CACNG4: variants seen among roughly 807,000 people sequenced by gnomAD.
The protein encoded by CACNG4 is voltage-dependent calcium channel gamma-4 subunit.
Under a neutral mutation model 22.9 loss-of-function variants are expected in CACNG4, and 8 were observed. That is an observed-to-expected ratio of 0.35 (90% CI 0.21 to 0.63). The LOEUF (loss-of-function observed/expected upper bound fraction) is 0.63. CACNG4 is among the 30% of genes least tolerant of loss of function. The pLI, the probability that CACNG4 is intolerant of heterozygous loss-of-function variation, is 0.72. For synonymous variants in CACNG4, 188 were observed against 191.9 expected, an observed-to-expected ratio of 0.98 and a Z score of 0.17; for missense variants, 357 against 455.4, an observed-to-expected ratio of 0.78 and a Z score of 1.97.
Position 67,031,503 on chromosome 17 carries a change from A to T in CACNG4, c.*499A>T, listed in dbSNP as rs1330971647. On this transcript the variant is annotated 3_prime_UTR_variant, in exon 4 of 4. Transcript: ENST00000262138. This position sits in a 1 kb window ranked among gnomAD's most constrained non-coding sequence, Gnocchi z 4.0. The stretch of plus-strand genomic sequence containing the variant: ...TTCCTGCGTCGTTGAGCCAGAAATC[A>T]GACCACCGAAGCTCACTCCCTTCCT... 6.6e-6 allele frequency: 3 copies of T among 457,370 alleles called. No individual in the cohort carries two copies. The highest frequency in any genetic ancestry group is 1.3e-5 in the Non-Finnish European group (3 of 227,240). The allele number at this position is 457,370 out of a possible 1,614,324, so 28.3% of individuals were successfully genotyped here. A position where few individuals can be genotyped will look rare whatever the true frequency, so the allele number is the denominator to read the frequency against.
chr17:67,003,395 G>T (rs2035419866), intron 1 of CACNG4, among the ~76,000 whole-genome samples: 1 of 151,970 alleles, frequency 6.6e-6, no homozygotes, highest in African/African-American at 2.4e-5. Context: ...TGATCGATAG[G>T]TATTTTATCA....
At position 67,030,922 on chromosome 17, in the gene CACNG4, T is replaced by G. The variant is rs775161356; in HGVS notation, c.902T>G (p.Leu301Arg). The G allele has an allele frequency of 1.2e-6, 2 of 1,613,316 alleles. No homozygotes were observed. Among genetic ancestry groups the G allele is most frequent in the African/African-American group, 2.7e-5 (2 of 74,946 alleles). Residue 301 changes from leucine to arginine, a missense_variant, in exon 4 of 4, where the codon CTG (leucine) becomes CGG (arginine). Leu to Arg is a moderately radical substitution (Grantham distance 102, BLOSUM62 -2). This residue lies in a region of CACNG4 where 240 missense variants were observed against 277.6 expected (regional missense o/e 0.86). Transcript: ENST00000262138. This position sits in a 1 kb window ranked among gnomAD's most constrained non-coding sequence, Gnocchi z 6.4. Reference protein sequence around the residue: ...SYSPDQEASFLQVHDFFQQDL... With the variant: ...SYSPDQEASFRQVHDFFQQDL... ...AGCCCCGACCAGGAGGCCAGCTTCC[T>G]GCAGGTGCATGACTTTTTCCAGCAG...
rs148898750 is a variant in CACNG4, at chr17:67,029,828, C to T, written c.446-638C>T. ...CGGTAAATCAAAAATTATTCCCAAA[C>T]AAAAATGTATTTTAAGTGTTTCAAT... On this transcript the variant is annotated intron_variant, in intron 3 of 3. Transcript: ENST00000262138. 4.3e-3 allele frequency among the ~76,000 whole-genome samples: 651 copies of T among 152,302 alleles called. 7 individuals carry two copies. Among genetic ancestry groups the T allele is most frequent in the African/African-American group, 0.014 (584 of 41,558 alleles).
chr17:67,017,617 A>G (rs2035507207), intron 1 of CACNG4, among the ~76,000 whole-genome samples: 1 of 151,962 alleles, frequency 6.6e-6, no homozygotes, highest in Non-Finnish European at 1.5e-5. Context: ...TCCCGGGTTC[A>G]AGCAATTCTT....
At chr17:66,997,916 C>T in intron 1 of CACNG4, among the ~76,000 whole-genome samples, 1 of 151,988 alleles carries the variant, frequency 6.6e-6, no homozygotes, top group East Asian at 1.9e-4. Flanking sequence ...GCTGCACACC[C>T]CTGAGAAGGA....
chr17:66,983,788 A>G (rs1221379010), intron 1 of CACNG4, among the ~76,000 whole-genome samples: 1 of 152,164 alleles, frequency 6.6e-6, no homozygotes. Context: ...ACACTTTCAC[A>G]CCCAGGTTCT....
At chr17:67,007,288 C>G (rs2143336301) in intron 1 of CACNG4, among the ~76,000 whole-genome samples, 1 of 152,316 alleles carries the variant, frequency 6.6e-6, no homozygotes, top group South Asian at 2.1e-4. Flanking sequence ...TTAGCAGTTG[C>G]CAGTGATAGT....
At chr17:67,008,033 T>C (rs1309796704) in intron 1 of CACNG4, among the ~76,000 whole-genome samples, 8 of 152,148 alleles carry the variant, frequency 5.3e-5, no homozygotes, top group Non-Finnish European at 7.4e-5. Flanking sequence ...GGAAATACAG[T>C]GTAGCCGTGT....
chr17:66,988,188 C>G (rs2035316064), intron 1 of CACNG4, among the ~76,000 whole-genome samples: 1 of 152,144 alleles, frequency 6.6e-6, no homozygotes, highest in Admixed American at 6.5e-5. Flanking sequence ...GGCCATCACA[C>G]AGCGTCTGCA....
intron 1 of CACNG4, among the ~76,000 whole-genome samples, chr17:66,992,171 G>A (rs984306866): frequency 4.6e-5 from 7 of 151,462 alleles, no homozygotes; most frequent in African/African-American, 7.3e-5. Context: ...GGGGGGGGGG[G>A]GCTGTGATGC....
chr17:66,985,455 C>T (rs2035299804), intron 1 of CACNG4, among the ~76,000 whole-genome samples: 3 of 152,118 alleles, frequency 2.0e-5, no homozygotes, highest in Admixed American at 2.0e-4. Flanking sequence ...CAGGGTGAGG[C>T]TTGTGATGTT....
chr17:67,026,780 GGT>G (rs1457714178), intron 3 of CACNG4, among the ~76,000 whole-genome samples: 4 of 151,812 alleles, frequency 2.6e-5, no homozygotes, highest in African/African-American at 7.3e-5. Flanking sequence ...TGAGGAGTGT[GGT>G]GTGTGTGTGC....
chr17:66,980,045 C>T (rs2035262329), intron 1 of CACNG4, among the ~76,000 whole-genome samples: 1 of 152,204 alleles, frequency 6.6e-6, no homozygotes, highest in Non-Finnish European at 1.5e-5. Context: ...TGAGCCACTG[C>T]ACCCAGCCTG....
At chr17:67,012,135 A>G (rs1272847196) in intron 1 of CACNG4, among the ~76,000 whole-genome samples, 1 of 152,156 alleles carries the variant, frequency 6.6e-6, no homozygotes, top group African/African-American at 2.4e-5. Flanking sequence ...AGCACTGGAC[A>G]AGGAATCAAG....
intron 1 of CACNG4, among the ~76,000 whole-genome samples, chr17:67,017,304 T>C (rs528387006): frequency 1.3e-5 from 2 of 152,274 alleles, no homozygotes; most frequent in South Asian, 4.2e-4. Flanking sequence ...CTCGAACTCC[T>C]GGGCTTAAGC....
chr17:67,017,910 G>T (rs1051783645), intron 1 of CACNG4, among the ~76,000 whole-genome samples: 2 of 152,016 alleles, frequency 1.3e-5, no homozygotes, highest in African/African-American at 4.8e-5. Context: ...GGCACCTCTT[G>T]TCTCAATGGT....
rs945104211 is a variant in CACNG4, at chr17:66,966,001, G to A, written c.220+870G>A. Reference sequence around the variant, plus strand: ...CCGGGAACAGACTGGGAGGGGCGTGGTCATCTCGTCGGAGCTGGGCGCTGC... The same window carrying A: ...CCGGGAACAGACTGGGAGGGGCGTGATCATCTCGTCGGAGCTGGGCGCTGC... On this transcript the variant is annotated intron_variant, in intron 1 of 3. Transcript: ENST00000262138. Among the ~76,000 whole-genome samples, 18 of 152,170 alleles carry A rather than the reference G, an allele frequency of 1.2e-4. 1 individual carries two copies. The highest frequency in any genetic ancestry group is 1.2e-3 in the Admixed American group (18 of 15,282).
chr17:67,001,958 C>T (rs1175185722), intron 1 of CACNG4, among the ~76,000 whole-genome samples: 7 of 152,284 alleles, frequency 4.6e-5, no homozygotes, highest in Middle Eastern at 6.8e-3. Flanking sequence ...CATGATCTGG[C>T]GGCTCCTCAC....
At chr17:66,990,936 T>G (rs974380890) in intron 1 of CACNG4, among the ~76,000 whole-genome samples, 1 of 152,132 alleles carries the variant, frequency 6.6e-6, no homozygotes, top group African/African-American at 2.4e-5. Context: ...CGCCTCAGCC[T>G]CCCAAAGTGC....
Sources: allele counts gnomAD v4.1 joint callset (sites outside exome capture counted in the v4.1 genomes callset), GRCh38; gene constraint gnomAD v4.1.1; regional missense constraint gnomAD v4.1.1; non-coding constraint Gnocchi (gnomAD v3.1); transcripts MANE v1.5; gene names NCBI Gene and HGNC (gene_info 2026-07-23, HGNC 2026-07-21).